The following SLCO3A1 variants were observed in gnomAD, a reference collection of about 807,000 sequenced individuals.
The protein encoded by SLCO3A1 is solute carrier organic anion transporter family member 3A1, also known as PGE1 transporter.
A neutral mutation model predicts 63.1 loss-of-function variants in SLCO3A1; 27 were observed. That is an observed-to-expected ratio of 0.43 (90% CI 0.32 to 0.59). The LOEUF (loss-of-function observed/expected upper bound fraction) is 0.59. Ranked by LOEUF, SLCO3A1 falls within the 20% of genes least tolerant of loss-of-function variation. The pLI is 0.09. For missense variants in SLCO3A1, 773 were observed against 945.8 expected, an observed-to-expected ratio of 0.82 and a Z score of 2.40; for synonymous variants, 473 against 409.9, an observed-to-expected ratio of 1.15 and a Z score of -1.86.
chr15:92,164,552 C>CACTT lies in SLCO3A1; in HGVS notation c.*1418_*1421dup. 1.0e-6 allele frequency: 1 copy of CACTT among 985,396 alleles called. No homozygotes were observed. The highest frequency in any genetic ancestry group is 1.2e-6 in the Non-Finnish European group (1 of 829,940). The allele number at this position is 985,396 out of a possible 1,614,324, so 61.0% of individuals were successfully genotyped here. ...TGTGGGTTTGTGTGTATGGGTGCAA[C>CACTT]ACTTCCGGGGATAGGAAAGAAGAAC... On this transcript the variant is annotated 3_prime_UTR_variant, in exon 10 of 10. Transcript: ENST00000318445.
intron 2 of SLCO3A1, among the ~76,000 whole-genome samples, chr15:92,084,912 C>T (rs2047387745): frequency 2.0e-5 from 3 of 152,176 alleles, no homozygotes; most frequent in African/African-American, 7.2e-5. Context: ...CTGCAGAAGC[C>T]GCAGGGCCAG....
intron 2 of SLCO3A1, among the ~76,000 whole-genome samples, chr15:92,075,536 C>A (rs571791841): frequency 6.6e-6 from 1 of 152,242 alleles, no homozygotes; most frequent in Admixed American, 6.5e-5. Flanking sequence ...CGCTGCAGCT[C>A]TTCCTGCCTT....
rs1228891540 is a variant in SLCO3A1 at position 91,883,770 on chromosome 15, C to T, written c.180+29682C>T. 1.3e-5 allele frequency among the ~76,000 whole-genome samples: 2 copies of T among 152,198 alleles called. No homozygotes were observed. The highest frequency in any genetic ancestry group is 1.3e-4 in the Admixed American group (2 of 15,280). On this transcript the variant is annotated intron_variant, in intron 1 of 9. Transcript: ENST00000318445. This position sits in a 1 kb window ranked among gnomAD's most constrained non-coding sequence, Gnocchi z 4.8. ...AAGTGTGTTTGTAATATCCTACTTA[C>T]CGATAGTAGTGTAGCATCCTGATAG...
chr15:91,880,508 GCCACAGT>G (rs1323845572), intron 1 of SLCO3A1, among the ~76,000 whole-genome samples: 1 of 151,652 alleles, frequency 6.6e-6, no homozygotes, highest in Admixed American at 6.6e-5. Flanking sequence ...TACATTTATT[GCCACAGT>G]CTCTCCTGCT....
At chr15:92,020,217 CTA>C (rs202148035) in intron 2 of SLCO3A1, among the ~76,000 whole-genome samples, 4 of 143,002 alleles carry the variant, frequency 2.8e-5, no homozygotes, top group Admixed American at 2.7e-4. Context: ...CACACACACA[CTA>C]TATATACACA....
chr15:92,141,717 A>T (rs1234690773), intron 7 of SLCO3A1, among the ~76,000 whole-genome samples: 2 of 152,198 alleles, frequency 1.3e-5, no homozygotes, highest in African/African-American at 4.8e-5. Context: ...CTAAGTCCTC[A>T]TCTGCAGTTC....
At position 91,859,293 on chromosome 15, in the gene SLCO3A1, A is replaced by G. The variant is rs187367433; in HGVS notation, c.180+5205A>G. The stretch of plus-strand genomic sequence containing the variant: ...TTGGTAATCTGTAGGCCAGAAAGAT[A>G]GCATCCTTACTCTTTCAATTCATTT... On this transcript the variant is annotated intron_variant, in intron 1 of 9. Coordinates refer to ENST00000318445, the MANE Select transcript of SLCO3A1 (RefSeq NM_013272.4). The surrounding 1 kb of genome is among the most constrained non-coding windows in gnomAD (Gnocchi z 5.1). 6.6e-6 allele frequency among the ~76,000 whole-genome samples: 1 copy of G among 152,308 alleles called. No individual in the cohort carries two copies. Among genetic ancestry groups the G allele is most frequent in the East Asian group, 1.9e-4 (1 of 5,188 alleles).
chr15:92,017,123 G>A (rs2046446905), intron 2 of SLCO3A1, among the ~76,000 whole-genome samples: 1 of 152,198 alleles, frequency 6.6e-6, no homozygotes, highest in Non-Finnish European at 1.5e-5. Context: ...CATTTGCAAA[G>A]GAGAAAGAGC....
At chr15:91,893,538 C>T (rs1293387593) in intron 1 of SLCO3A1, among the ~76,000 whole-genome samples, 1 of 152,154 alleles carries the variant, frequency 6.6e-6, no homozygotes, top group Non-Finnish European at 1.5e-5. Flanking sequence ...TATAAGGGCA[C>T]TAATCCCATT....
intron 2 of SLCO3A1, among the ~76,000 whole-genome samples, chr15:91,922,603 G>A (rs1383279188): frequency 1.3e-5 from 2 of 152,124 alleles, no homozygotes; most frequent in Admixed American, 6.5e-5. Flanking sequence ...TTGACATTGG[G>A]TAAAATGTGT....
In SLCO3A1 at chr15:92,089,008, ATTATTTAT is replaced by A. The variant is rs1555431409; in HGVS notation, c.647-5846_647-5839del. On this transcript the variant is annotated intron_variant, in intron 2 of 9. Transcript: ENST00000318445. Reference sequence around the variant, plus strand: ...TTACCCCAGCTTTATTTATTTATTTATTATTTATTTATTTATTTATTTATTTATTTATT... The same window carrying A: ...TTACCCCAGCTTTATTTATTTATTTATTATTTATTTATTTATTTATTTATT... 2.5e-4 allele frequency among the ~76,000 whole-genome samples: 23 copies of A among 90,576 alleles called. No homozygotes were observed. In the East Asian group the frequency reaches 2.6e-3, roughly 10 times the overall value. The allele number at this position is 90,576 out of a possible 152,430, so 59.4% of individuals were successfully genotyped here. A position where few individuals can be genotyped will look rare whatever the true frequency, so the allele number is the denominator to read the frequency against.
chr15:91,990,174 A>T (rs1053447554), intron 2 of SLCO3A1, among the ~76,000 whole-genome samples: 3 of 152,202 alleles, frequency 2.0e-5, no homozygotes, highest in Admixed American at 6.5e-5. Context: ...GAATAGTGGG[A>T]CTATTTACAA....
At chr15:91,926,558 C>CATGTGTGTGT (rs1555450155) in intron 2 of SLCO3A1, among the ~76,000 whole-genome samples, 1 of 126,042 alleles carries the variant, frequency 7.9e-6, no homozygotes, top group Admixed American at 7.7e-5. Flanking sequence ...CCTGCCAAGC[C>CATGTGTGTGT]GTGTGTGTGT....
intron 2 of SLCO3A1, among the ~76,000 whole-genome samples, chr15:92,036,044 A>G (rs991029034): frequency 1.4e-5 from 2 of 146,878 alleles, no homozygotes; most frequent in East Asian, 1.9e-4. Flanking sequence ...GCCACTGCCC[A>G]GGGCTTGGAC....
At chr15:92,016,171 C>T (rs1396967186) in intron 2 of SLCO3A1, among the ~76,000 whole-genome samples, 1 of 146,232 alleles carries the variant, frequency 6.8e-6, no homozygotes, top group Non-Finnish European at 1.5e-5. Context: ...CAAACCAGGT[C>T]TTGATGTTGC....
intron 2 of SLCO3A1, among the ~76,000 whole-genome samples, chr15:91,946,053 G>T (rs1041882370): frequency 1.3e-5 from 2 of 152,228 alleles, no homozygotes; most frequent in Non-Finnish European, 2.9e-5. Context: ...TGATAGCGAA[G>T]TAAAAGCATC....
chr15:92,084,532 C>A (rs1245843511), intron 2 of SLCO3A1, among the ~76,000 whole-genome samples: 1 of 152,214 alleles, frequency 6.6e-6, no homozygotes, highest in Non-Finnish European at 1.5e-5. Context: ...AGTAGTACCT[C>A]TCTGTCCTTT....
Position 91,853,773 on chromosome 15 carries a change from G to A in SLCO3A1, c.-136G>A. The A allele has an allele frequency of 1.1e-6, 1 of 880,276 alleles. No homozygotes were observed. The highest frequency in any genetic ancestry group is 1.4e-6 in the Non-Finnish European group (1 of 718,652). 54.5% of individuals were successfully genotyped at this position (880,276 alleles called of 1,614,324 possible). On this transcript the variant is annotated 5_prime_UTR_variant, in exon 1 of 10. Coordinates refer to ENST00000318445, the MANE Select transcript of SLCO3A1 (RefSeq NM_013272.4). Reference sequence around the variant, plus strand: ...TCCACCTCTCCAGCCCCGGCAGGACGGGGGCGGCCGCCGCGAACCCGGGGC... The same window carrying A: ...TCCACCTCTCCAGCCCCGGCAGGACAGGGGCGGCCGCCGCGAACCCGGGGC...
chr15:92,100,223 C>T (rs1031436811), intron 3 of SLCO3A1, among the ~76,000 whole-genome samples: 1 of 152,214 alleles, frequency 6.6e-6, no homozygotes, highest in Non-Finnish European at 1.5e-5. Context: ...CTTTGCTCTA[C>T]TCTGCAACCC....
Sources: allele counts gnomAD v4.1 joint callset (sites outside exome capture counted in the v4.1 genomes callset), GRCh38; gene constraint gnomAD v4.1.1; non-coding constraint Gnocchi (gnomAD v3.1); transcripts MANE v1.5; gene names NCBI Gene and HGNC (gene_info 2026-07-23, HGNC 2026-07-21).